Variants in GPALPP1 observed in about 807,000 individuals in gnomAD.
GPALPP1 encodes the protein GPALPP motifs containing 1.
In GPALPP1, 30 loss-of-function variants were observed where a neutral mutation model predicts 38.9. That is an observed-to-expected ratio of 0.77 (90% confidence interval 0.58 to 1.05). The LOEUF is 1.05. Among genes scored for constraint, GPALPP1 ranks in the 50% least tolerant of loss-of-function variants. The pLI is 0.00. For missense variants in GPALPP1, 384 were observed against 408.8 expected, an observed-to-expected ratio of 0.94 and a Z score of 0.52; for synonymous variants, 120 against 139.2, an observed-to-expected ratio of 0.86 and a Z score of 0.97.
At chr13:44,994,180 T>A (rs1306649289) in intron 1 of GPALPP1, among the ~76,000 whole-genome samples, 1 of 129,232 alleles carries the variant, frequency 7.7e-6, no homozygotes, top group East Asian at 2.3e-4. Context: ...ATCATGCCAC[T>A]GCACTCCAGC....
chr13:44,994,611 G>A (rs1222657659), intron 1 of GPALPP1, among the ~76,000 whole-genome samples: 19 of 152,086 alleles, frequency 1.2e-4, no homozygotes, highest in African/African-American at 4.6e-4. Context: ...AGTTTCGTTC[G>A]TTTTGCTAGT....
chr13:45,015,167 T>C (rs958131919), intron 5 of GPALPP1, 84 bp downstream of exon 5: 8 of 890,010 alleles, frequency 9.0e-6, no homozygotes, highest in Non-Finnish European at 1.3e-5. Flanking sequence ...TATATAACTT[T>C]TAATATATTT....
rs952638017 is a variant in GPALPP1 at position 45,000,232 on chromosome 13, C to T, written c.89-4073C>T. 9.9e-5 allele frequency among the ~76,000 whole-genome samples: 15 copies of T among 152,156 alleles called. 1 individual carries two copies. In the East Asian group the frequency reaches 2.9e-3, roughly 29 times the overall value. ...AAGCGTTCAAGACCAAGCTGGACAA[C>T]ATAGTGAGACCCTGGTCTCAAAAAA... On this transcript the variant is annotated intron_variant, in intron 1 of 7. Transcript: ENST00000379151.
Position 45,028,555 on chromosome 13 carries a change from G to A in GPALPP1, c.*552G>A, listed in dbSNP as rs1876004460. Reference sequence around the variant, plus strand: ...AATGTGAGAGGATCGCTTGAGCCCAGTAGTTTGAGACCAGCCTGCTTAAGA... The same window carrying A: ...AATGTGAGAGGATCGCTTGAGCCCAATAGTTTGAGACCAGCCTGCTTAAGA... On this transcript the variant is annotated 3_prime_UTR_variant, in exon 8 of 8. Coordinates refer to ENST00000379151, the MANE Select transcript of GPALPP1 (RefSeq NM_018559.5). 1 of 153,338 alleles carries A rather than the reference G, an allele frequency of 6.5e-6. No individual in the cohort carries two copies. The highest frequency in any genetic ancestry group is 2.4e-5 in the African/African-American group (1 of 41,446). 9.5% of individuals were successfully genotyped at this position (153,338 alleles called of 1,614,324 possible).
chr13:45,027,165 A>T (rs889052015), intron 7 of GPALPP1, among the ~76,000 whole-genome samples: 1 of 152,122 alleles, frequency 6.6e-6, no homozygotes, highest in African/African-American at 2.4e-5. Flanking sequence ...TCCATCCAGG[A>T]CTGTTCTATC....
intron 1 of GPALPP1, among the ~76,000 whole-genome samples, chr13:44,991,371 TG>T (rs1192094333): frequency 1.3e-5 from 2 of 149,570 alleles, no homozygotes; most frequent in African/African-American, 2.5e-5. Context: ...TGCTTGAACC[TG>T]GGAGGCGGAG....
intron 1 of GPALPP1, 196 bp downstream of exon 1, chr13:44,989,938 G>C: frequency 1.7e-6 from 1 of 594,504 alleles, no homozygotes; most frequent in South Asian, 2.0e-5. Flanking sequence ...AACGAGCTTT[G>C]GCGTGGTTTG....
At chr13:45,007,877 T>A (rs1364501153) in intron 3 of GPALPP1, among the ~76,000 whole-genome samples, 2 of 152,204 alleles carry the variant, frequency 1.3e-5, no homozygotes, top group Non-Finnish European at 2.9e-5. Context: ...AGCATTTTTT[T>A]ATTTTTTATT....
intron 4 of GPALPP1, among the ~76,000 whole-genome samples, chr13:45,013,474 C>T (rs1171419278): frequency 6.6e-6 from 1 of 152,158 alleles, no homozygotes; most frequent in African/African-American, 2.4e-5. Flanking sequence ...ATGCCTAAAC[C>T]AGTCAGCTGA....
rs34470056 is a variant in GPALPP1, at chr13:45,028,760, GA to G, written c.*768del. Reference sequence around the variant, plus strand: ...AACAAAGTGAGACCTCGTCTCTTTAGAAAAAAAAAAAGAGGCCAGTGGCTCA... The same window carrying G: ...AACAAAGTGAGACCTCGTCTCTTTAGAAAAAAAAAAGAGGCCAGTGGCTCA... On this transcript the variant is annotated 3_prime_UTR_variant, in exon 8 of 8. Transcript: ENST00000379151. The G allele has an allele frequency of 7.8e-5, 11 of 140,908 alleles. No homozygotes were observed. The highest frequency in any genetic ancestry group is 4.2e-4 in the East Asian group (2 of 4,816). 8.7% of individuals were successfully genotyped at this position (140,908 alleles called of 1,614,324 possible). A position where few individuals can be genotyped will look rare whatever the true frequency, so the allele number is the denominator to read the frequency against.
intron 7 of GPALPP1, 67 bp from the exon 8 acceptor site, chr13:45,027,718 G>T: frequency 1.3e-6 from 1 of 743,066 alleles, no homozygotes; most frequent in East Asian, 2.5e-5. Context: ...TCCGTTTCAT[G>T]GTCATATTCT....
Position 45,027,951 on chromosome 13 carries a change from CTA to C in GPALPP1, c.972_973del (p.Glu326ThrfsTer50), listed in dbSNP as rs1875958270. 2.5e-6 allele frequency: 4 copies of C among 1,611,376 alleles called. No homozygotes were observed. Among genetic ancestry groups the C allele is most frequent in the Non-Finnish European group, 3.4e-6 (4 of 1,177,816 alleles). On this transcript the variant is annotated frameshift_variant, in exon 8 of 8. Transcript: ENST00000379151. LOFTEE classifies it high-confidence loss of function. ...CAGAAAAAAGCCCTAATAAAAAAAT[CTA>C]GAGAACTAAACACCAGATTTTCACA...
intron 4 of GPALPP1, among the ~76,000 whole-genome samples, chr13:45,013,279 T>A (rs149749741): frequency 6.6e-6 from 1 of 152,254 alleles, no homozygotes; most frequent in East Asian, 1.9e-4. Flanking sequence ...GTTCTAAGAC[T>A]GAGGCTGACT....
At chr13:45,019,082 AATAT>A (rs1238489759) in intron 6 of GPALPP1, among the ~76,000 whole-genome samples, 1 of 114,530 alleles carries the variant, frequency 8.7e-6, no homozygotes, top group African/African-American at 3.7e-5. Context: ...TATACATATA[AATAT>A]ATGTATATAT....
chr13:44,997,905 T>C (rs998696357), intron 1 of GPALPP1, among the ~76,000 whole-genome samples: 3 of 152,154 alleles, frequency 2.0e-5, no homozygotes, highest in African/African-American at 7.2e-5. Context: ...CTAATGCTGC[T>C]AGAAGAAACC....
intron 1 of GPALPP1, chr13:45,001,820 T>G (rs1399559370): frequency 6.6e-6 from 1 of 152,310 alleles, no homozygotes; most frequent in Non-Finnish European, 1.5e-5. Context: ...TAGCTGGGAT[T>G]ACAGACGCAC....
chr13:44,991,229 A>T lies in GPALPP1; in HGVS notation c.88+1487A>T, dbSNP rs1872776770. On this transcript the variant is annotated intron_variant, in intron 1 of 7. Transcript: ENST00000379151. ...TTTGGGAGGCCGAGGCGGGCGGATC[A>T]CGAGGTCGAGAGATCGAGACCATTC... 2.0e-5 allele frequency among the ~76,000 whole-genome samples: 3 copies of T among 152,158 alleles called. No homozygotes were observed. The South Asian group carries it at 6.2e-4, about 32-fold the overall frequency.
chr13:45,003,855 G>T (rs1566075136), intron 1 of GPALPP1, among the ~76,000 whole-genome samples: 1 of 151,656 alleles, frequency 6.6e-6, no homozygotes, highest in Non-Finnish European at 1.5e-5. Flanking sequence ...AAGAAATATG[G>T]GGATGCCAGG....
intron 6 of GPALPP1, among the ~76,000 whole-genome samples, chr13:45,017,670 T>C (rs1002136369): frequency 2.0e-5 from 3 of 152,184 alleles, no homozygotes; most frequent in Non-Finnish European, 2.9e-5. Context: ...GGAGTCTTCC[T>C]TGGAGGAAAA....
Sources: allele counts gnomAD v4.1 joint callset (sites outside exome capture counted in the v4.1 genomes callset), GRCh38; gene constraint gnomAD v4.1.1; transcripts MANE v1.5; gene names NCBI Gene and HGNC (gene_info 2026-07-23, HGNC 2026-07-21).